The following FKBP5 variants were observed in gnomAD, a reference collection of about 807,000 sequenced individuals.
FKBP5 encodes peptidyl-prolyl cis-trans isomerase FKBP5.
Under a neutral mutation model 50.5 loss-of-function variants are expected in FKBP5, and 23 were observed. That is an observed-to-expected ratio of 0.46 (90% confidence interval 0.33 to 0.65). The LOEUF is 0.65. FKBP5 is among the 30% of genes least tolerant of loss of function. The probability of loss-of-function intolerance (pLI) is 0.02; values close to 1 mark genes in which losing one functional copy is unlikely to be tolerated. For synonymous variants in FKBP5, 176 were observed against 190.6 expected (o/e 0.92, Z 0.63); for missense variants, 411 against 553.1 (o/e 0.74, Z 2.58).
At chr6:35,722,551 C>T (rs1179499997) in intron 1 of FKBP5, among the ~76,000 whole-genome samples, 1 of 152,168 alleles carries the variant, frequency 6.6e-6, no homozygotes, top group East Asian at 1.9e-4. Flanking sequence ...CGAGGTTCTG[C>T]ACCATCTGGG....
rs1408583056 is a variant in FKBP5, at chr6:35,580,360, A to G, written c.841-139T>C. On this transcript the variant is annotated intron_variant, in intron 8 of 10. Transcript: ENST00000357266. ...TCTTTCCTTCTGGAGATGGCTCTCC[A>G]GGTACCTTTCCCACTCCCTTGGAGG... 4 of 720,142 alleles carry G rather than the reference A, an allele frequency of 5.6e-6. No individual in the cohort carries two copies. In the East Asian group the frequency reaches 7.6e-5, roughly 14 times the overall value. The allele number at this position is 720,142 out of a possible 1,614,324, so 44.6% of individuals were successfully genotyped here. A position where few individuals can be genotyped will look rare whatever the true frequency, so the allele number is the denominator to read the frequency against.
At chr6:35,634,687 T>A (rs757646361) in intron 3 of FKBP5, among the ~76,000 whole-genome samples, 9 of 144,232 alleles carry the variant, frequency 6.2e-5, no homozygotes, top group Non-Finnish European at 9.1e-5. Flanking sequence ...AGTCCACACA[T>A]AGCCATGGTG....
intron 3 of FKBP5, among the ~76,000 whole-genome samples, chr6:35,625,122 T>C (rs1581828495): frequency 1.3e-5 from 2 of 152,168 alleles, no homozygotes; most frequent in African/African-American, 4.8e-5. Context: ...CTCACTTTGT[T>C]GCCCAGGCTG....
intron 3 of FKBP5, among the ~76,000 whole-genome samples, chr6:35,633,132 C>T (rs558024014): frequency 3.3e-5 from 5 of 152,098 alleles, no homozygotes; most frequent in Admixed American, 3.3e-4. Context: ...CTATTTATTC[C>T]CTTGGGAGAG....
intron 8 of FKBP5, chr6:35,583,705 G>T: frequency 8.7e-6 from 8 of 921,638 alleles, no homozygotes; most frequent in South Asian, 5.0e-5. Flanking sequence ...GCACAAGACA[G>T]CCCCACACAA....
chr6:35,625,610 C>T (rs1301193275), intron 3 of FKBP5, among the ~76,000 whole-genome samples: 1 of 149,384 alleles, frequency 6.7e-6, no homozygotes, highest in Admixed American at 6.7e-5. Flanking sequence ...GTGGTGAGTG[C>T]CTGTAGTCCC....
At chr6:35,678,473 G>C (rs528822525) in intron 1 of FKBP5, among the ~76,000 whole-genome samples, 1 of 152,256 alleles carries the variant, frequency 6.6e-6, no homozygotes, top group East Asian at 1.9e-4. Flanking sequence ...GCATTCCTAA[G>C]ATATTACACT....
chr6:35,648,685 A>G (rs1764699874), intron 1 of FKBP5, among the ~76,000 whole-genome samples: 3 of 152,218 alleles, frequency 2.0e-5, no homozygotes, highest in Non-Finnish European at 4.4e-5. Flanking sequence ...GAGGTGGCTC[A>G]AGCCTGTAAT....
intron 1 of FKBP5, among the ~76,000 whole-genome samples, chr6:35,675,943 G>T (rs559617868): frequency 2.6e-5 from 4 of 152,112 alleles, no homozygotes; most frequent in Non-Finnish European, 5.9e-5. Flanking sequence ...CTGTATAACA[G>T]AGTAGAAGGG....
Position 35,586,606 on chromosome 6 carries a change from C to CAAA in FKBP5, c.840+425_840+427dup, listed in dbSNP as rs1319725627. 799 of 795,438 alleles carry CAAA rather than the reference C, an allele frequency of 1.0e-3. 4 individuals carry two copies. The African/African-American group carries it at 0.016, about 16-fold the overall frequency. 49.3% of individuals were successfully genotyped at this position (795,438 alleles called of 1,614,324 possible). A position where few individuals can be genotyped will look rare whatever the true frequency, so the allele number is the denominator to read the frequency against. Reference sequence around the variant, plus strand: ...AGAAAGGGAGACCCTGTCTCTCATACAAAAAAAAAAAAAGGAAGAAAGAAA... The same window carrying CAAA: ...AGAAAGGGAGACCCTGTCTCTCATACAAAAAAAAAAAAAAAAGGAAGAAAGAAA... On this transcript the variant is annotated intron_variant, in intron 8 of 10. Transcript: ENST00000357266.
chr6:35,588,726 G>A (rs894146374), intron 7 of FKBP5, among the ~76,000 whole-genome samples: 3 of 151,192 alleles, frequency 2.0e-5, no homozygotes, highest in African/African-American at 2.4e-5. Flanking sequence ...TCAGCCTCCC[G>A]AGTAGTTGGG....
chr6:35,728,197 T>C (rs1766762098), intron 1 of FKBP5, among the ~76,000 whole-genome samples: 1 of 152,130 alleles, frequency 6.6e-6, no homozygotes, highest in Non-Finnish European at 1.5e-5. Flanking sequence ...GTGGGTGTGC[T>C]CGCTCACCAG....
At chr6:35,726,875 A>T (rs1207407250) in intron 1 of FKBP5, among the ~76,000 whole-genome samples, 1 of 152,214 alleles carries the variant, frequency 6.6e-6, no homozygotes, top group East Asian at 1.9e-4. Context: ...GAGGGCTCAA[A>T]GAAGAAGCAG....
At chr6:35,601,747 C>T (rs1763150359) in intron 5 of FKBP5, among the ~76,000 whole-genome samples, 1 of 152,092 alleles carries the variant, frequency 6.6e-6, no homozygotes, top group African/African-American at 2.4e-5. Context: ...TTGCTAATCC[C>T]AACCAGCATG....
intron 5 of FKBP5, among the ~76,000 whole-genome samples, chr6:35,614,334 G>C (rs917209740): frequency 1.3e-5 from 2 of 152,174 alleles, no homozygotes; most frequent in Non-Finnish European, 2.9e-5. Context: ...GGTTAATAAG[G>C]ATGAGGGGGA....
intron 2 of FKBP5, among the ~76,000 whole-genome samples, chr6:35,702,116 G>C (rs1766199581): frequency 6.6e-6 from 1 of 152,110 alleles, no homozygotes; most frequent in South Asian, 2.1e-4. Flanking sequence ...CTAAAGTGCT[G>C]GGATTACAGG....
chr6:35,597,188 G>A, intron 6 of FKBP5, 60 bp downstream of exon 6: 2 of 1,562,880 alleles, frequency 1.3e-6, no homozygotes, highest in Non-Finnish European at 1.7e-6. Flanking sequence ...GAATGAAAAA[G>A]CAAGCATATC....
chr6:35,600,331 T>C (rs928450574), intron 5 of FKBP5, among the ~76,000 whole-genome samples: 2 of 152,154 alleles, frequency 1.3e-5, no homozygotes, highest in African/African-American at 4.8e-5. Flanking sequence ...GGTGGGAGGA[T>C]TGCTTGAACC....
At chr6:35,584,072 A>G in intron 8 of FKBP5, 2 of 985,462 alleles carry the variant, frequency 2.0e-6, no homozygotes, top group Non-Finnish European at 2.4e-6. Context: ...AGAAAAAAGA[A>G]AAACACTGAC....
Sources: allele counts gnomAD v4.1 joint callset (sites outside exome capture counted in the v4.1 genomes callset), GRCh38; gene constraint gnomAD v4.1.1; transcripts MANE v1.5; gene names NCBI Gene and HGNC (gene_info 2026-07-23, HGNC 2026-07-21).